The following KCNK12 variants were observed in gnomAD, a reference collection of about 807,000 sequenced individuals.
The protein encoded by KCNK12 is potassium channel subfamily K member 12.
A neutral mutation model predicts 25.3 loss-of-function variants in KCNK12; 6 were observed. The ratio of observed to expected loss-of-function variants is 0.24; its 90% confidence interval spans 0.13 to 0.47. The LOEUF (loss-of-function observed/expected upper bound fraction) is 0.47, where lower values mean the gene tolerates loss of function less well. Among genes scored for constraint, KCNK12 ranks in the 20% least tolerant of loss-of-function variants. The pLI is 0.99. For missense variants in KCNK12, 444 were observed against 661.7 expected (o/e 0.67, Z 3.61); for synonymous variants, 331 against 311.1 (o/e 1.06, Z -0.67).
chr2:47,546,339 G>T (rs1669314547), intron 1 of KCNK12, among the ~76,000 whole-genome samples: 1 of 152,254 alleles, frequency 6.6e-6, no homozygotes, highest in African/African-American at 2.4e-5. Context: ...GACTTTGTGT[G>T]TCAATATGCA....
chr2:47,512,245 C>G lies in KCNK12; in HGVS notation c.*8662G>C. 1.3e-6 allele frequency: 2 copies of G among 1,598,180 alleles called. No homozygotes were observed. The highest frequency in any genetic ancestry group is 1.7e-6 in the Non-Finnish European group (2 of 1,171,682). On this transcript the variant is annotated 3_prime_UTR_variant, in exon 2 of 2. Coordinates refer to ENST00000327876, the MANE Select transcript of KCNK12 (RefSeq NM_022055.2). ...CTGCAGATGTTTGCTGAGTATCGTT[C>G]TTGATGGAAATCCCCGTGGAACTCC...
rs1270589351 is a variant in KCNK12, at chr2:47,514,022, T to C, written c.*6885A>G. ...TCCTCAGGATTAGGCGAAAAGTCTT[T>C]GCTTTGTTTTACAAGGCCCTTCGCT... On this transcript the variant is annotated 3_prime_UTR_variant, in exon 2 of 2. Transcript: ENST00000327876. This position sits in a 1 kb window ranked among gnomAD's most constrained non-coding sequence, Gnocchi z 5.0. Among the ~76,000 whole-genome samples the C allele has an allele frequency of 6.6e-6, 1 of 152,210 alleles. No homozygotes were observed. The highest frequency in any genetic ancestry group is 6.5e-5 in the Admixed American group (1 of 15,290).
In KCNK12 at chr2:47,512,217, A is replaced by T. The variant is rs1223254257; in HGVS notation, c.*8690T>A. The stretch of plus-strand genomic sequence containing the variant: ...ACAAACTGTCTAAGCTGGGTCAGGT[A>T]CTCTGCAGATGTTTGCTGAGTATCG... On this transcript the variant is annotated 3_prime_UTR_variant, in exon 2 of 2. Coordinates refer to ENST00000327876, the MANE Select transcript of KCNK12 (RefSeq NM_022055.2). 26 of 1,506,522 alleles carry T rather than the reference A, an allele frequency of 1.7e-5. No homozygotes were observed. In the East Asian group the frequency reaches 5.5e-4, roughly 32 times the overall value. The allele number at this position is 1,506,522 out of a possible 1,614,324, so 93.3% of individuals were successfully genotyped here.
chr2:47,509,640 A>G lies in KCNK12; in HGVS notation c.*11267T>C, dbSNP rs746713251. ...GATTCTGTCACCCAGTCAGGTCATC[A>G]GTGTCAGAGAGCTAGGTGGCCAGGT... On this transcript the variant is annotated 3_prime_UTR_variant, in exon 2 of 2. Coordinates refer to ENST00000327876, the MANE Select transcript of KCNK12 (RefSeq NM_022055.2). Among the ~76,000 whole-genome samples the G allele has an allele frequency of 3.2e-4, 48 of 152,352 alleles. No individual in the cohort carries two copies. Among genetic ancestry groups the G allele is most frequent in the Middle Eastern group, 3.4e-3 (1 of 294 alleles).
chr2:47,510,583 C>G lies in KCNK12; in HGVS notation c.*10324G>C, dbSNP rs2104652378. ...GGGGCTATCTCAACACCCCTACACT[C>G]TCACCGCACGTATTTGGTCAGCTAT... On this transcript the variant is annotated 3_prime_UTR_variant, in exon 2 of 2. Coordinates refer to ENST00000327876, the MANE Select transcript of KCNK12 (RefSeq NM_022055.2). Among the ~76,000 whole-genome samples, 1 of 152,272 alleles carries G rather than the reference C, an allele frequency of 6.6e-6. No individual in the cohort carries two copies. The highest frequency in any genetic ancestry group is 2.1e-4 in the South Asian group (1 of 4,820).
Position 47,512,986 on chromosome 2 carries a change from T to C in KCNK12, c.*7921A>G, listed in dbSNP as rs1225806426. ...AGCCTTGCTTGGTTCATGGCCACTT[T>C]TCCTGATTATCTTGCAGCTATATTA... On this transcript the variant is annotated 3_prime_UTR_variant, in exon 2 of 2. Transcript: ENST00000327876. 6.5e-6 allele frequency: 1 copy of C among 154,674 alleles called. No individual in the cohort carries two copies. The highest frequency in any genetic ancestry group is 1.9e-4 in the East Asian group (1 of 5,204). The allele number at this position is 154,674 out of a possible 1,614,324, so 9.6% of individuals were successfully genotyped here. A position where few individuals can be genotyped will look rare whatever the true frequency, so the allele number is the denominator to read the frequency against.
Position 47,516,860 on chromosome 2 carries a change from G to A in KCNK12, c.*4047C>T, listed in dbSNP as rs1247525423. The A allele has an allele frequency of 6.6e-6, 1 of 152,204 alleles. No homozygotes were observed. Among genetic ancestry groups the A allele is most frequent in the East Asian group, 1.9e-4 (1 of 5,178 alleles). 9.4% of individuals were successfully genotyped at this position (152,204 alleles called of 1,614,324 possible). Reference sequence around the variant, plus strand: ...GTGGAAGGTGTAGCAATTGTGCTCTGGGGTGCCTGAAAGTGCCAGAGCTGC... The same window carrying A: ...GTGGAAGGTGTAGCAATTGTGCTCTAGGGTGCCTGAAAGTGCCAGAGCTGC... On this transcript the variant is annotated 3_prime_UTR_variant, in exon 2 of 2. Transcript: ENST00000327876.
Position 47,521,793 on chromosome 2 carries a change from G to C in KCNK12, c.407C>G (p.Thr136Ser), listed in dbSNP as rs1468119728. ...VVSTIGFGMT[T>S]PATVGGKAFL... ...GGCCTTCCCGCCCACCGTCGCGGGGGTGGTCATGCCGAAACCTGTGGAGAC... is the reference window on the plus strand; with the variant it reads ...GGCCTTCCCGCCCACCGTCGCGGGGCTGGTCATGCCGAAACCTGTGGAGAC... The change falls in exon 2 of 2, where the codon ACC (threonine) becomes AGC (serine). Residue 136 changes from threonine to serine, a missense_variant. Physicochemically the swap from Thr to Ser is moderately conservative, Grantham distance 58. This residue lies in a region of KCNK12 where 44 missense variants were observed against 100.7 expected (regional missense o/e 0.44). Transcript: ENST00000327876. 1 of 1,524,948 alleles carries C rather than the reference G, an allele frequency of 6.6e-7. No individual in the cohort carries two copies. The highest frequency in any genetic ancestry group is 8.8e-7 in the Non-Finnish European group (1 of 1,141,898). The allele number at this position is 1,524,948 out of a possible 1,614,324, so 94.5% of individuals were successfully genotyped here. A position where few individuals can be genotyped will look rare whatever the true frequency, so the allele number is the denominator to read the frequency against.
At chr2:47,544,250 G>A (rs1355727132) in intron 1 of KCNK12, among the ~76,000 whole-genome samples, 1 of 152,164 alleles carries the variant, frequency 6.6e-6, no homozygotes, top group Non-Finnish European at 1.5e-5. Context: ...CTACACCAAA[G>A]GAACCCTCCC....
chr2:47,546,027 C>T (rs1669305797), intron 1 of KCNK12, among the ~76,000 whole-genome samples: 1 of 151,960 alleles, frequency 6.6e-6, no homozygotes, highest in Admixed American at 6.6e-5. Flanking sequence ...GAGAAAGAGG[C>T]AACTATGGAC....
intron 1 of KCNK12, among the ~76,000 whole-genome samples, chr2:47,537,328 T>TTTTC (rs1484804950): frequency 6.9e-6 from 1 of 145,078 alleles, no homozygotes; most frequent in African/African-American, 2.6e-5. Flanking sequence ...AAATGGGTGA[T>TTTTC]TTTCTTTCTT....
At position 47,569,240 on chromosome 2, in the gene KCNK12, T is replaced by C. The variant is rs1048410192; in HGVS notation, c.391+701A>G. ...AGCTACCCCTTGGTACCACTAATGG[T>C]TGGAAAAAGTGGCAAGGGAACAAAA... On this transcript the variant is annotated intron_variant, in intron 1 of 1. Coordinates refer to ENST00000327876, the MANE Select transcript of KCNK12 (RefSeq NM_022055.2). The surrounding 1 kb of genome is among the most constrained non-coding windows in gnomAD (Gnocchi z 4.1). 2.6e-5 allele frequency among the ~76,000 whole-genome samples: 4 copies of C among 151,844 alleles called. No homozygotes were observed. The highest frequency in any genetic ancestry group is 2.1e-4 in the South Asian group (1 of 4,814).
At chr2:47,534,432 G>C (rs1229458944) in intron 1 of KCNK12, among the ~76,000 whole-genome samples, 1 of 117,316 alleles carries the variant, frequency 8.5e-6, no homozygotes, top group African/African-American at 3.5e-5. Flanking sequence ...CCGTCTCCAG[G>C]CCCCCCCCAC....
At position 47,509,295 on chromosome 2, in the gene KCNK12, C is replaced by T. The variant is rs1057421782; in HGVS notation, c.*11612G>A. Among the ~76,000 whole-genome samples the T allele has an allele frequency of 6.6e-6, 1 of 152,196 alleles. No individual in the cohort carries two copies. Among genetic ancestry groups the T allele is most frequent in the East Asian group, 1.9e-4 (1 of 5,200 alleles). On this transcript the variant is annotated 3_prime_UTR_variant, in exon 2 of 2. Transcript: ENST00000327876. ...AGGCCATTAAAGACCAAACATTGAG[C>T]ACTGAGTGAAAAAGTTTTATTGCCA...
In KCNK12 at chr2:47,569,333, C is replaced by T. The variant is rs1337030283; in HGVS notation, c.391+608G>A. On this transcript the variant is annotated intron_variant, in intron 1 of 1. Coordinates refer to ENST00000327876, the MANE Select transcript of KCNK12 (RefSeq NM_022055.2). This position sits in a 1 kb window ranked among gnomAD's most constrained non-coding sequence, Gnocchi z 4.1. ...AACACAAGGAAGGGAGGCAGAACAA[C>T]AGCAGCTGAAGTCCTGGCCTCAGGC... Among the ~76,000 whole-genome samples the T allele has an allele frequency of 6.6e-6, 1 of 152,036 alleles. No homozygotes were observed. Among genetic ancestry groups the T allele is most frequent in the Non-Finnish European group, 1.5e-5 (1 of 68,018 alleles).
In KCNK12 at chr2:47,525,036, TCTAA is replaced by T. The variant is rs1445036885; in HGVS notation, c.392-3232_392-3229del. Among the ~76,000 whole-genome samples the T allele has an allele frequency of 6.7e-6, 1 of 149,578 alleles. No individual in the cohort carries two copies. On this transcript the variant is annotated intron_variant, in intron 1 of 1. Transcript: ENST00000327876. This position sits in a 1 kb window ranked among gnomAD's most constrained non-coding sequence, Gnocchi z 4.1. The stretch of plus-strand genomic sequence containing the variant: ...CTGGGCCTGGAAAACCAATACTTTG[TCTAA>T]CTAAGAAAATACTGAATTGGATTTT...
At position 47,533,961 on chromosome 2, in the gene KCNK12, C is replaced by T. The variant is rs919987575; in HGVS notation, c.392-12153G>A. 4.0e-5 allele frequency among the ~76,000 whole-genome samples: 6 copies of T among 151,842 alleles called. No individual in the cohort carries two copies. The highest frequency in any genetic ancestry group is 7.3e-5 in the African/African-American group (3 of 41,322). ...GTCAGCCAGGCACAGAGAAAATGGC[C>T]CTCTGCCCCTGTTCTGCTTGTTTTT... On this transcript the variant is annotated intron_variant, in intron 1 of 1. Transcript: ENST00000327876. The surrounding 1 kb of genome is among the most constrained non-coding windows in gnomAD (Gnocchi z 4.7).
rs2104803271 is a variant in KCNK12, at chr2:47,538,071, A to G, written c.392-16263T>C. On this transcript the variant is annotated intron_variant, in intron 1 of 1. Transcript: ENST00000327876. The surrounding 1 kb of genome is among the most constrained non-coding windows in gnomAD (Gnocchi z 4.5). ...AACTTCAGTATCTAAAGGGCAGAAGAGGAGTCTATGAAGGAGACCACATTC... is the reference window on the plus strand; with the variant it reads ...AACTTCAGTATCTAAAGGGCAGAAGGGGAGTCTATGAAGGAGACCACATTC... Among the ~76,000 whole-genome samples the G allele has an allele frequency of 6.6e-6, 1 of 152,350 alleles. No individual in the cohort carries two copies. Among genetic ancestry groups the G allele is most frequent in the South Asian group, 2.1e-4 (1 of 4,828 alleles).
In KCNK12 at chr2:47,555,141, T is replaced by C. The variant is rs1186163300; in HGVS notation, c.391+14800A>G. On this transcript the variant is annotated intron_variant, in intron 1 of 1. Transcript: ENST00000327876. This position sits in a 1 kb window ranked among gnomAD's most constrained non-coding sequence, Gnocchi z 4.5. ...CCATGTGGAGATGTCAAGTGGGCAGTTGGACCCATGGTTCTGAAGCTTAGT... is the reference window on the plus strand; with the variant it reads ...CCATGTGGAGATGTCAAGTGGGCAGCTGGACCCATGGTTCTGAAGCTTAGT... Among the ~76,000 whole-genome samples, 1 of 152,184 alleles carries C rather than the reference T, an allele frequency of 6.6e-6. No individual in the cohort carries two copies. Among genetic ancestry groups the C allele is most frequent in the African/African-American group, 2.4e-5 (1 of 41,450 alleles).
Sources: gnomAD v4.1 joint callset for allele counts (sites outside exome capture counted in the v4.1 genomes callset) on GRCh38, gnomAD v4.1.1 for gene constraint, gnomAD v4.1.1 regional missense constraint, Gnocchi (gnomAD v3.1) non-coding constraint, MANE v1.5 for transcripts, NCBI Gene and HGNC (gene_info 2026-07-23, HGNC 2026-07-21) for gene names.